CNTNAP2: variants seen among roughly 807,000 people sequenced by gnomAD.
CNTNAP2 encodes contactin associated protein 2.
CNTNAP2 carries 98 observed loss-of-function variants against 155.2 expected under a neutral mutation model. The observed-to-expected ratio is 0.63, with a 90% CI of 0.54 to 0.75. The LOEUF is 0.75. Ranked by LOEUF, CNTNAP2 falls within the 30% of genes least tolerant of loss-of-function variation. CNTNAP2 has a pLI of 0.00. For missense variants in CNTNAP2, 1,727 were observed against 1,688.1 expected, an observed-to-expected ratio of 1.02 and a Z score of -0.40; for synonymous variants, 651 against 631.2, an observed-to-expected ratio of 1.03 and a Z score of -0.47.
chr7:146,227,463 A>T (rs1047330066), intron 1 of CNTNAP2, among the ~76,000 whole-genome samples: 3 of 151,574 alleles, frequency 2.0e-5, no homozygotes, highest in Admixed American at 6.6e-5. Context: ...AAAGAAAAAA[A>T]TCTTTAAGGA....
chr7:146,652,009 T>A (rs1475861064), intron 1 of CNTNAP2, among the ~76,000 whole-genome samples: 1 of 152,006 alleles, frequency 6.6e-6, no homozygotes, highest in Non-Finnish European at 1.5e-5. Context: ...AGAAATAAAG[T>A]ATGTGAAGAA....
intron 1 of CNTNAP2, among the ~76,000 whole-genome samples, chr7:146,139,092 T>C (rs1235717910): frequency 6.6e-6 from 1 of 152,122 alleles, no homozygotes; most frequent in Non-Finnish European, 1.5e-5. Flanking sequence ...GGCAGCATGA[T>C]CCACTATAGT....
intron 8 of CNTNAP2, among the ~76,000 whole-genome samples, chr7:147,258,376 C>G (rs970046724): frequency 3.9e-5 from 6 of 152,124 alleles, no homozygotes; most frequent in Non-Finnish European, 8.8e-5. Flanking sequence ...TATCTTCCTT[C>G]TAGCAACTTG....
intron 20 of CNTNAP2, among the ~76,000 whole-genome samples, chr7:148,258,881 A>T (rs909674075): frequency 1.3e-5 from 2 of 152,026 alleles, no homozygotes; most frequent in East Asian, 1.9e-4. Flanking sequence ...AAATAATTTT[A>T]AAAATTAGCC....
At chr7:146,339,954 A>G (rs10255602) in intron 1 of CNTNAP2, among the ~76,000 whole-genome samples, 18,837 of 151,922 alleles carry the variant, frequency 0.12, 2,216 homozygotes, top group African/African-American at 0.31. Context: ...GCGGATCACG[A>G]GGTCAGGAGA....
intron 1 of CNTNAP2, among the ~76,000 whole-genome samples, chr7:146,599,428 T>G (rs1004275047): frequency 6.6e-6 from 1 of 151,964 alleles, no homozygotes; most frequent in Non-Finnish European, 1.5e-5. Flanking sequence ...TCCTCTCTGA[T>G]CTCATTGTGT....
At chr7:146,431,762 G>A (rs763594635) in intron 1 of CNTNAP2, among the ~76,000 whole-genome samples, 26 of 152,188 alleles carry the variant, frequency 1.7e-4, no homozygotes, top group Non-Finnish European at 3.4e-4. Flanking sequence ...CTCACAGCTA[G>A]TTAAACAGGG....
At chr7:147,798,639 G>A (rs893013728) in intron 13 of CNTNAP2, among the ~76,000 whole-genome samples, 1 of 152,144 alleles carries the variant, frequency 6.6e-6, no homozygotes, top group African/African-American at 2.4e-5. Context: ...TTTCCAGTAA[G>A]GCTTTCATGA....
intron 15 of CNTNAP2, among the ~76,000 whole-genome samples, chr7:148,035,940 G>A (rs2527065): frequency 0.36 from 54,084 of 152,080 alleles, 10,333 homozygotes; most frequent in East Asian, 0.75. Context: ...TTAAGATTTA[G>A]TGTTCACCCT....
At chr7:146,842,194 C>G (rs1276907451) in intron 3 of CNTNAP2, among the ~76,000 whole-genome samples, 1 of 151,864 alleles carries the variant, frequency 6.6e-6, no homozygotes, top group African/African-American at 2.4e-5. Context: ...GCCTTGGACT[C>G]TTGATATTAC....
At chr7:147,545,759 C>A (rs1353257228) in intron 11 of CNTNAP2, among the ~76,000 whole-genome samples, 1 of 152,140 alleles carries the variant, frequency 6.6e-6, no homozygotes, top group African/African-American at 2.4e-5. Flanking sequence ...CCTAAGGTTG[C>A]ATCACTGATA....
At chr7:147,684,091 T>C (rs2116983310) in intron 13 of CNTNAP2, among the ~76,000 whole-genome samples, 1 of 151,998 alleles carries the variant, frequency 6.6e-6, no homozygotes, top group African/African-American at 2.4e-5. Context: ...AAAGTAGTAA[T>C]GAGATCATCC....
At chr7:147,080,926 A>G (rs1312295773) in intron 4 of CNTNAP2, 1 of 151,972 alleles carries the variant, frequency 6.6e-6, no homozygotes, top group Non-Finnish European at 1.5e-5. Flanking sequence ...ATTAGAATAA[A>G]TGTAAAATTC....
intron 11 of CNTNAP2, among the ~76,000 whole-genome samples, chr7:147,542,186 T>G (rs144526344): frequency 6.6e-6 from 1 of 152,140 alleles, no homozygotes; most frequent in African/African-American, 2.4e-5. Context: ...TCTCCACTTA[T>G]CATGTAAGTG....
intron 13 of CNTNAP2, among the ~76,000 whole-genome samples, chr7:147,707,306 T>TCA (rs1796330623): frequency 6.6e-6 from 1 of 152,208 alleles, no homozygotes; most frequent in South Asian, 2.1e-4. Context: ...ATCTGTGGTT[T>TCA]AGGTTGGGTA....
chr7:146,920,982 T>C (rs1397934565), intron 3 of CNTNAP2, among the ~76,000 whole-genome samples: 1 of 152,166 alleles, frequency 6.6e-6, no homozygotes. Flanking sequence ...GTAGGGCATA[T>C]TTTAGGGCAA....
chr7:146,770,317 TACACACACACAC>T (rs60507060), intron 1 of CNTNAP2, among the ~76,000 whole-genome samples: 33 of 143,772 alleles, frequency 2.3e-4, no homozygotes, highest in African/African-American at 6.4e-4. Context: ...TGTGTGTGTA[TACACACACACAC>T]ACACACACAC....
chr7:146,235,311 G>C (rs949757130), intron 1 of CNTNAP2, among the ~76,000 whole-genome samples: 6 of 150,646 alleles, frequency 4.0e-5, no homozygotes, highest in African/African-American at 1.2e-4. Context: ...TTTTCTGCTT[G>C]AGTGCCTGAA....
intron 20 of CNTNAP2, among the ~76,000 whole-genome samples, chr7:148,264,259 A>G (rs1796627628): frequency 6.6e-6 from 1 of 152,240 alleles, no homozygotes; most frequent in South Asian, 2.1e-4. Context: ...TAAAAAATAT[A>G]CAAAACATAA....
Sources: allele counts gnomAD v4.1 joint callset (sites outside exome capture counted in the v4.1 genomes callset), GRCh38; gene constraint gnomAD v4.1.1; transcripts MANE v1.5; gene names NCBI Gene and HGNC (gene_info 2026-07-23, HGNC 2026-07-21).